Variants in MED13 observed in about 807,000 individuals in gnomAD.
The protein encoded by MED13 is mediator complex subunit 13.
MED13 carries 23 observed loss-of-function variants against 225.2 expected under a neutral mutation model. The ratio of observed to expected loss-of-function variants is 0.10; its 90% CI spans 0.07 to 0.14. The LOEUF is 0.14. MED13 is among the 10% of genes least tolerant of loss of function. MED13 has a pLI of 1.00. For synonymous variants in MED13, 942 were observed against 889.2 expected, an observed-to-expected ratio of 1.06 and a Z score of -1.06; for missense variants, 2,197 against 2,594.5, an observed-to-expected ratio of 0.85 and a Z score of 3.33.
intron 9 of MED13, chr17:62,003,599 CAAAAAAAA>C (rs34451831): frequency 3.9e-5 from 2 of 51,744 alleles, no homozygotes; most frequent in South Asian, 1.2e-3. Context: ...CAGCAAAACT[CAAAAAAAA>C]AAAAAAAAAA....
intron 9 of MED13, among the ~76,000 whole-genome samples, chr17:62,001,138 G>A (rs2080391150): frequency 6.6e-6 from 1 of 152,146 alleles, no homozygotes. Context: ...ATTAAGTTTG[G>A]TAAGATTTAG....
intron 8 of MED13, among the ~76,000 whole-genome samples, chr17:62,013,127 T>TA (rs1207942437): frequency 1.3e-5 from 2 of 151,916 alleles, no homozygotes; most frequent in Non-Finnish European, 2.9e-5. Context: ...GATATCTTAT[T>TA]GTGCATAGAG....
intron 27 of MED13, 22 bp downstream of exon 27, chr17:61,952,943 C>A: frequency 1.2e-6 from 2 of 1,605,386 alleles, no homozygotes; most frequent in Non-Finnish European, 1.7e-6. Flanking sequence ...CCGAGAAAAA[C>A]TAAAACTTGT....
intron 2 of MED13, among the ~76,000 whole-genome samples, chr17:62,058,520 C>CAAAAAAAAA (rs751957495): frequency 1.5e-4 from 8 of 53,308 alleles, no homozygotes; most frequent in Admixed American, 4.1e-4. Flanking sequence ...GACTTCATCT[C>CAAAAAAAAA]AAAAAAAAAA....
intron 20 of MED13, among the ~76,000 whole-genome samples, chr17:61,964,695 G>A (rs892321347): frequency 6.6e-6 from 1 of 152,162 alleles, no homozygotes; most frequent in African/African-American, 2.4e-5. Context: ...CAGCACTTTG[G>A]GAAGCCATGG....
chr17:62,064,001 A>C (rs978435699), intron 1 of MED13, among the ~76,000 whole-genome samples: 1 of 152,246 alleles, frequency 6.6e-6, no homozygotes, highest in African/African-American at 2.4e-5. Flanking sequence ...AAAGATCTCA[A>C]TTTAGCATGG....
At position 61,990,627 on chromosome 17, in the gene MED13, G is replaced by GTGTATA. The variant is rs906431943; in HGVS notation, c.2263+1912_2263+1913insTATACA. Among the ~76,000 whole-genome samples, 1,329 of 138,988 alleles carry GTGTATA rather than the reference G, an allele frequency of 9.6e-3. 21 individuals are homozygous for GTGTATA. Among genetic ancestry groups the GTGTATA allele is most frequent in the African/African-American group, 0.035 (1,262 of 36,350 alleles). The allele number at this position is 138,988 out of a possible 152,430, so 91.2% of individuals were successfully genotyped here. On this transcript the variant is annotated intron_variant, in intron 11 of 29. Coordinates refer to ENST00000397786, the MANE Select transcript of MED13 (RefSeq NM_005121.3). Reference sequence around the variant, plus strand: ...TACACACACACACTTGGCGCACTGTGTATATATATATATATATATATATAC... The same window carrying GTGTATA: ...TACACACACACACTTGGCGCACTGTGTGTATATATATATATATATATATATATATAC...
intron 5 of MED13, among the ~76,000 whole-genome samples, chr17:62,032,051 T>G (rs2080762096): frequency 6.6e-6 from 1 of 152,142 alleles, no homozygotes; most frequent in Non-Finnish European, 1.5e-5. Context: ...CTTTTCTATA[T>G]GCCTCTATTT....
chr17:61,995,176 C>T lies in MED13; in HGVS notation c.2157G>A (p.Glu719=). The T allele has an allele frequency of 6.2e-7, 1 of 1,613,390 alleles. No homozygotes were observed. Among genetic ancestry groups the T allele is most frequent in the Non-Finnish European group, 8.5e-7 (1 of 1,179,722 alleles). Residue 719 remains glutamate, a synonymous_variant, in exon 10 of 30, where the codon GAG becomes GAA. Coordinates refer to ENST00000397786, the MANE Select transcript of MED13 (RefSeq NM_005121.3). Reference sequence around the variant, plus strand: ...CCTTGTGTTTTTTTCCAGCTTCTCTCTCACTATTTTGTCTATCTTTTTTAT... The same window carrying T: ...CCTTGTGTTTTTTTCCAGCTTCTCTTTCACTATTTTGTCTATCTTTTTTAT... The part of the protein sequence containing the change: ...FPDKKDRQNS[E]REAGKKHKVE...
intron 8 of MED13, among the ~76,000 whole-genome samples, chr17:62,020,371 G>C (rs1425889220): frequency 1.3e-5 from 2 of 151,754 alleles, no homozygotes; most frequent in African/African-American, 4.8e-5. Context: ...ACTTTATACT[G>C]TAGTTTGCTT....
intron 9 of MED13, among the ~76,000 whole-genome samples, chr17:62,003,409 C>T (rs1231637352): frequency 2.0e-5 from 3 of 151,878 alleles, no homozygotes; most frequent in African/African-American, 7.3e-5. Flanking sequence ...AGTTCGAGAC[C>T]AGCCTGACCA....
chr17:61,947,541 C>T (rs2079860861), intron 28 of MED13, among the ~76,000 whole-genome samples: 1 of 152,124 alleles, frequency 6.6e-6, no homozygotes, highest in South Asian at 2.1e-4. Context: ...ATATGACACC[C>T]TTTATGACTA....
chr17:61,961,519 CAAAAAAAAAAA>C, intron 22 of MED13, 58 bp downstream of exon 22: 5 of 730,562 alleles, frequency 6.8e-6, no homozygotes, highest in Non-Finnish European at 9.7e-6. Flanking sequence ...GGCTCCATCT[CAAAAAAAAAAA>C]AAAAAAAAAA....
chr17:62,039,894 G>A (rs571188859), intron 3 of MED13, among the ~76,000 whole-genome samples: 4 of 151,876 alleles, frequency 2.6e-5, no homozygotes, highest in East Asian at 1.9e-4. Flanking sequence ...CCACTGTGCC[G>A]GCCTGAAATT....
intron 11 of MED13, among the ~76,000 whole-genome samples, chr17:61,987,364 G>A (rs927007504): frequency 6.6e-6 from 1 of 152,044 alleles, no homozygotes; most frequent in Non-Finnish European, 1.5e-5. Flanking sequence ...AACCCAGGAG[G>A]CAGAGGTTGC....
At chr17:62,048,349 G>T (rs1385280878) in intron 3 of MED13, among the ~76,000 whole-genome samples, 2 of 136,012 alleles carry the variant, frequency 1.5e-5, no homozygotes, top group African/African-American at 5.4e-5. Flanking sequence ...AGGTTGAAGT[G>T]AGCCAAGATT....
At chr17:62,033,680 G>T in intron 5 of MED13, 107 bp downstream of exon 5, 2 of 1,008,748 alleles carry the variant, frequency 2.0e-6, no homozygotes, top group South Asian at 1.6e-5. Context: ...ATAAATCTTT[G>T]GTGTTGAAAG....
chr17:62,014,634 T>A (rs1343466796), intron 8 of MED13, among the ~76,000 whole-genome samples: 4 of 152,122 alleles, frequency 2.6e-5, no homozygotes, highest in African/African-American at 9.6e-5. Flanking sequence ...GGCTCTTGAG[T>A]ACTTGAATTG....
At chr17:62,004,491 CT>C (rs2080426637) in intron 9 of MED13, 1 of 152,128 alleles carries the variant, frequency 6.6e-6, no homozygotes, top group African/African-American at 2.4e-5. Flanking sequence ...GCAGTTCACC[CT>C]CTTTATAATC....
Sources: allele counts gnomAD v4.1 joint callset (sites outside exome capture counted in the v4.1 genomes callset), GRCh38; gene constraint gnomAD v4.1.1; transcripts MANE v1.5; gene names NCBI Gene and HGNC (gene_info 2026-07-23, HGNC 2026-07-21).